Variants in LPCAT1 observed in about 807,000 individuals in gnomAD.
The protein encoded by LPCAT1 is 1-acylglycerol-3-phosphate O-acyltransferase.
In LPCAT1, 23 loss-of-function variants were observed where a neutral mutation model predicts 60.9. The observed-to-expected ratio is 0.38, with a 90% confidence interval of 0.27 to 0.53. LPCAT1 has a LOEUF of 0.53. Ranked by LOEUF, LPCAT1 falls within the 20% of genes least tolerant of loss-of-function variation. The pLI is 0.82. For missense variants in LPCAT1, 622 were observed against 723.6 expected (o/e 0.86, Z 1.61); for synonymous variants, 340 against 301.1 (o/e 1.13, Z -1.34).
Position 1,463,299 on chromosome 5 carries a change from G to A in LPCAT1, c.*352C>T, listed in dbSNP as rs1734180758. 1 of 248,806 alleles carries A rather than the reference G, an allele frequency of 4.0e-6. No homozygotes were observed. The highest frequency in any genetic ancestry group is 7.8e-6 in the Non-Finnish European group (1 of 128,624). The allele number at this position is 248,806 out of a possible 1,614,324, so 15.4% of individuals were successfully genotyped here. On this transcript the variant is annotated 3_prime_UTR_variant, in exon 14 of 14. Coordinates refer to ENST00000283415, the MANE Select transcript of LPCAT1 (RefSeq NM_024830.5). ...CTGAGTGTGCACGGAGGCCCGCCCG[G>A]TGCACGCTGCCGCCGGAAGAGGCTG...
intron 1 of LPCAT1, among the ~76,000 whole-genome samples, chr5:1,519,200 G>A (rs992043004): frequency 1.3e-5 from 2 of 152,378 alleles, no homozygotes; most frequent in Admixed American, 6.5e-5. Context: ...ATGGTGCTTT[G>A]CTGTCAGCTG....
rs1001072110 is a variant in LPCAT1, at chr5:1,481,510, G to A, written c.727-534C>T. On this transcript the variant is annotated intron_variant, in intron 6 of 13. Coordinates refer to ENST00000283415, the MANE Select transcript of LPCAT1 (RefSeq NM_024830.5). The surrounding 1 kb of genome is among the most constrained non-coding windows in gnomAD (Gnocchi z 7.8). ...TTCAGCCTCAGTGCCGCCGGGCAGGGACCACACAGCAGGGGCCGTGACGGC... is the reference window on the plus strand; with the variant it reads ...TTCAGCCTCAGTGCCGCCGGGCAGGAACCACACAGCAGGGGCCGTGACGGC... Among the ~76,000 whole-genome samples, 5 of 152,374 alleles carry A rather than the reference G, an allele frequency of 3.3e-5. No homozygotes were observed. Among genetic ancestry groups the A allele is most frequent in the Admixed American group, 2.0e-4 (3 of 15,306 alleles).
intron 1 of LPCAT1, among the ~76,000 whole-genome samples, chr5:1,503,365 G>A (rs1460860758): frequency 6.6e-6 from 1 of 152,196 alleles, no homozygotes; most frequent in Non-Finnish European, 1.5e-5. Flanking sequence ...TCCTCCACGA[G>A]TTTTGTTTTG....
At position 1,495,954 on chromosome 5, in the gene LPCAT1, G is replaced by A. The variant is rs1251988591; in HGVS notation, c.279-1040C>T. ...TTTGTGTATGCGATGATAAACAATG[G>A]TGTAGTTACACATGGAGATGCTGGG... is the stretch of plus-strand genomic sequence containing the variant. On this transcript the variant is annotated intron_variant, in intron 2 of 13. Transcript: ENST00000283415. The surrounding 1 kb of genome is among the most constrained non-coding windows in gnomAD (Gnocchi z 4.7). Among the ~76,000 whole-genome samples, 1 of 152,250 alleles carries A rather than the reference G, an allele frequency of 6.6e-6. No homozygotes were observed. The highest frequency in any genetic ancestry group is 1.9e-4 in the East Asian group (1 of 5,208).
In LPCAT1 at chr5:1,481,830, C is replaced by G. The variant is rs1201721580; in HGVS notation, c.727-854G>C. On this transcript the variant is annotated intron_variant, in intron 6 of 13. Coordinates refer to ENST00000283415, the MANE Select transcript of LPCAT1 (RefSeq NM_024830.5). This position sits in a 1 kb window ranked among gnomAD's most constrained non-coding sequence, Gnocchi z 7.8. ...AGTAAGAAGGAAGAGGTCTTTCAGT[C>G]GTGTGACTACCGGCCCTGACTCCAT... is the stretch of plus-strand genomic sequence containing the variant. Among the ~76,000 whole-genome samples the G allele has an allele frequency of 1.3e-5, 2 of 152,226 alleles. No individual in the cohort carries two copies. Among genetic ancestry groups the G allele is most frequent in the Admixed American group, 1.3e-4 (2 of 15,288 alleles).
intron 12 of LPCAT1, 65 bp from the exon 13 acceptor site, chr5:1,466,955 G>A (rs1009491999): frequency 1.4e-6 from 2 of 1,418,578 alleles, no homozygotes; most frequent in Admixed American, 5.0e-5. Flanking sequence ...CGCTGTCCAG[G>A]GACACCCCAG....
At position 1,477,534 on chromosome 5, in the gene LPCAT1, G is replaced by A. The variant is rs771386846; in HGVS notation, c.817-48C>T. On this transcript the variant is annotated intron_variant, in intron 8 of 13. Transcript: ENST00000283415. This position sits in a 1 kb window ranked among gnomAD's most constrained non-coding sequence, Gnocchi z 6.0. The stretch of plus-strand genomic sequence containing the variant: ...TTAGTATCACAAGACGCTGACCTCA[G>A]CAACACCACTGTAACGACAACTGGG... The A allele has an allele frequency of 4.4e-5, 61 of 1,379,224 alleles. No homozygotes were observed. Among genetic ancestry groups the A allele is most frequent in the Non-Finnish European group, 6.3e-5 (61 of 975,046 alleles). The allele number at this position is 1,379,224 out of a possible 1,614,324, so 85.4% of individuals were successfully genotyped here. A position where few individuals can be genotyped will look rare whatever the true frequency, so the allele number is the denominator to read the frequency against.
At chr5:1,472,887 G>A (rs1227806991) in intron 11 of LPCAT1, among the ~76,000 whole-genome samples, 1 of 152,112 alleles carries the variant, frequency 6.6e-6, no homozygotes, top group African/African-American at 2.4e-5. Flanking sequence ...GGCCCCTCTG[G>A]TGCGTGTGGG....
In LPCAT1 at chr5:1,462,724, C is replaced by G. The variant is rs555883284; in HGVS notation, c.*927G>C. The G allele has an allele frequency of 1.3e-4, 20 of 152,396 alleles. No individual in the cohort carries two copies. The highest frequency in any genetic ancestry group is 4.3e-4 in the African/African-American group (18 of 41,562). 9.4% of individuals were successfully genotyped at this position (152,396 alleles called of 1,614,324 possible). On this transcript the variant is annotated 3_prime_UTR_variant, in exon 14 of 14. Transcript: ENST00000283415. ...GCGGCACGGCGGCGGCTGCCTTGCG[C>G]TTCCAGCTCGGGCCCTGCTCATTTG... is the stretch of plus-strand genomic sequence containing the variant.
chr5:1,489,754 A>C lies in LPCAT1; in HGVS notation c.598T>G (p.Trp200Gly). Residue 200 changes from tryptophan (W) to glycine (G), a missense_variant, in exon 4 of 14, where the codon TGG becomes GGG. Trp to Gly is a radical substitution (Grantham distance 184). Coordinates refer to ENST00000283415, the MANE Select transcript of LPCAT1 (RefSeq NM_024830.5). ...AGGGCTACGTGCATTACCTGTGGCC[A>C]CTTTCCGTTGGACTGCGCCCGTCTC... ...IKRRAQSNGK[W>G]PQIMIFPEGT... 2 of 1,611,252 alleles carry C rather than the reference A, an allele frequency of 1.2e-6. No individual in the cohort carries two copies. Among genetic ancestry groups the C allele is most frequent in the Non-Finnish European group, 1.7e-6 (2 of 1,177,326 alleles).
At position 1,477,131 on chromosome 5, in the gene LPCAT1, A is replaced by G. The variant is rs2126511512; in HGVS notation, c.899+273T>C. On this transcript the variant is annotated intron_variant, in intron 9 of 13. Coordinates refer to ENST00000283415, the MANE Select transcript of LPCAT1 (RefSeq NM_024830.5). The surrounding 1 kb of genome is among the most constrained non-coding windows in gnomAD (Gnocchi z 6.0). ...CCGCTGGCTCATTTAGGGCACAGGA[A>G]ACATAGGACCTGGGGTGACCAACGG... Among the ~76,000 whole-genome samples, 1 of 152,290 alleles carries G rather than the reference A, an allele frequency of 6.6e-6. No individual in the cohort carries two copies. Among genetic ancestry groups the G allele is most frequent in the South Asian group, 2.1e-4 (1 of 4,822 alleles).
At chr5:1,484,151 G>C (rs1254368562) in intron 5 of LPCAT1, among the ~76,000 whole-genome samples, 2 of 152,222 alleles carry the variant, frequency 1.3e-5, no homozygotes, top group African/African-American at 2.4e-5. Context: ...CTCTCTCTCT[G>C]AGTGGCTGCC....
Position 1,468,768 on chromosome 5 carries a change from G to A in LPCAT1, c.1279-1878C>T, listed in dbSNP as rs1458739803. Among the ~76,000 whole-genome samples, 5 of 152,262 alleles carry A rather than the reference G, an allele frequency of 3.3e-5. No homozygotes were observed. In the East Asian group the frequency reaches 7.7e-4, roughly 23 times the overall value. ...CATCCGGAGTCCTGAGCACCGGCGT[G>A]TGCCTCTGGGGTCCTAGGTGCTAGG... On this transcript the variant is annotated intron_variant, in intron 12 of 13. Transcript: ENST00000283415.
At chr5:1,479,713 A>G (rs760719513) in intron 7 of LPCAT1, 38 bp from the exon 8 acceptor site, 4 of 1,513,900 alleles carry the variant, frequency 2.6e-6, no homozygotes, top group African/African-American at 1.4e-5. Flanking sequence ...CAGATTTACA[A>G]CTCGGGTTAA....
intron 12 of LPCAT1, among the ~76,000 whole-genome samples, chr5:1,469,281 C>G (rs1734571908): frequency 6.6e-6 from 1 of 152,176 alleles, no homozygotes. Context: ...CAAGCAGGGA[C>G]CCGGTGCACA....
At chr5:1,506,998 C>T (rs1175981135) in intron 1 of LPCAT1, among the ~76,000 whole-genome samples, 1 of 152,220 alleles carries the variant, frequency 6.6e-6, no homozygotes, top group Non-Finnish European at 1.5e-5. Context: ...ACCAAGACAT[C>T]ACTGCAAGTC....
At chr5:1,511,521 G>A (rs905439802) in intron 1 of LPCAT1, among the ~76,000 whole-genome samples, 9 of 137,472 alleles carry the variant, frequency 6.5e-5, no homozygotes, top group East Asian at 2.2e-4. Flanking sequence ...ACGTGGGGAC[G>A]TCACCTGCTC....
At chr5:1,503,072 G>A (rs1314838915) in intron 1 of LPCAT1, among the ~76,000 whole-genome samples, 1 of 152,128 alleles carries the variant, frequency 6.6e-6, no homozygotes, top group Non-Finnish European at 1.5e-5. Flanking sequence ...TGCCACCTGT[G>A]TCTCCACCCT....
At chr5:1,474,501 C>A in intron 10 of LPCAT1, 59 bp downstream of exon 10, 1 of 1,593,740 alleles carries the variant, frequency 6.3e-7, no homozygotes, top group South Asian at 1.1e-5. Flanking sequence ...GCAGCCCCCG[C>A]CAGACCTCGG....
Sources: gnomAD v4.1 joint callset for allele counts (sites outside exome capture counted in the v4.1 genomes callset) on GRCh38, gnomAD v4.1.1 for gene constraint, Gnocchi (gnomAD v3.1) non-coding constraint, MANE v1.5 for transcripts, NCBI Gene and HGNC (gene_info 2026-07-23, HGNC 2026-07-21) for gene names.